Variants in ECM2 observed in about 807,000 individuals in gnomAD.
ECM2 encodes the protein extracellular matrix protein 2.
Under a neutral mutation model 67.5 loss-of-function variants are expected in ECM2, and 57 were observed. The observed-to-expected ratio is 0.84, with a 90% CI of 0.68 to 1.05. The LOEUF (loss-of-function observed/expected upper bound fraction) is 1.05, where lower values mean the gene tolerates loss of function less well. Ranked by LOEUF, ECM2 falls within the 50% of genes least tolerant of loss-of-function variation. ECM2 has a pLI of 0.00. For synonymous variants in ECM2, 258 were observed against 294.5 expected (o/e 0.88, Z 1.27); for missense variants, 741 against 822.8 (o/e 0.90, Z 1.22).
downstream of ECM2, chr9:92,494,076 A>G: frequency 6.3e-7 from 1 of 1,596,948 alleles, no homozygotes; most frequent in Non-Finnish European, 8.5e-7. Flanking sequence ...TTTCCTGCTT[A>G]TTGCCTCTAC....
At chr9:92,512,160 G>T in intron 4 of ECM2, 34 bp from the exon 5 acceptor site, 1 of 1,467,032 alleles carries the variant, frequency 6.8e-7, no homozygotes, top group South Asian at 1.2e-5. Flanking sequence ...TTAGGCATGT[G>T]TGCATATACA....
upstream of ECM2, among the ~76,000 whole-genome samples, chr9:92,537,524 G>A (rs567928420): frequency 6.6e-6 from 1 of 152,218 alleles, no homozygotes; most frequent in South Asian, 2.1e-4. Flanking sequence ...GCCGAGTATG[G>A]TAGCACATGC....
chr9:92,558,427 C>T, the ECM2 span, among the ~76,000 whole-genome samples: 1 of 152,144 alleles, frequency 6.6e-6, no homozygotes, highest in South Asian at 2.1e-4. Context: ...GCCTAGCCAC[C>T]CAGTGAGTCT....
chr9:92,508,022 C>T (rs576667487), intron 6 of ECM2, among the ~76,000 whole-genome samples: 1 of 152,312 alleles, frequency 6.6e-6, no homozygotes, highest in African/African-American at 2.4e-5. Flanking sequence ...CCTCCTTCCC[C>T]CTCTCTGGAG....
In ECM2 at chr9:92,496,332, G is replaced by T; in HGVS notation, c.2083C>A (p.Pro695Thr). 1 of 1,590,240 alleles carries T rather than the reference G, an allele frequency of 6.3e-7. No individual in the cohort carries two copies. The highest frequency in any genetic ancestry group is 8.5e-7 in the Non-Finnish European group (1 of 1,172,572). ...IRSYSSIVLK[P>T]QNIK ...ACTTGGAATTACTTGATGTTTTGTGGTTTAAGAACGATACTTGAGTATGAT... is the reference window on the plus strand; with the variant it reads ...ACTTGGAATTACTTGATGTTTTGTGTTTTAAGAACGATACTTGAGTATGAT... Residue 695 changes from proline (P) to threonine (T), a missense_variant, in exon 10 of 10, where the codon CCA becomes ACA. Transcript: ENST00000344604.
At chr9:92,496,571 T>G (rs755694165) in intron 9 of ECM2, 88 bp from the exon 10 acceptor site, 10 of 1,518,754 alleles carry the variant, frequency 6.6e-6, no homozygotes, top group Non-Finnish European at 7.9e-6. Context: ...AAAAAAATTT[T>G]GTTCTTAAAA....
the ECM2 span, among the ~76,000 whole-genome samples, chr9:92,548,081 C>G: frequency 2.6e-5 from 4 of 152,188 alleles, no homozygotes; most frequent in Non-Finnish European, 5.9e-5. Context: ...GTTTTCCAGA[C>G]ACACAATTAA....
chr9:92,546,769 A>G, the ECM2 span, among the ~76,000 whole-genome samples: 3 of 152,236 alleles, frequency 2.0e-5, no homozygotes, highest in Non-Finnish European at 4.4e-5. Flanking sequence ...GTAAATTGAT[A>G]TATTTAGATT....
the ECM2 span, among the ~76,000 whole-genome samples, chr9:92,552,630 A>G: frequency 6.6e-6 from 1 of 152,010 alleles, no homozygotes; most frequent in African/African-American, 2.4e-5. Context: ...TTTGTTGGCC[A>G]TTTGTGTATC....
At chr9:92,533,553 A>T (rs1442687173) in intron 1 of ECM2, among the ~76,000 whole-genome samples, 6 of 151,198 alleles carry the variant, frequency 4.0e-5, no homozygotes. Flanking sequence ...TCCCATCCCA[A>T]ATATTGGCCC....
At chr9:92,507,992 G>A (rs1202063651) in intron 6 of ECM2, among the ~76,000 whole-genome samples, 1 of 152,158 alleles carries the variant, frequency 6.6e-6, no homozygotes, top group Admixed American at 6.5e-5. Flanking sequence ...TCTTTGTGCT[G>A]TTTTCTCTCC....
At chr9:92,541,163 G>A (rs1849309731), upstream of ECM2, among the ~76,000 whole-genome samples, 2 of 152,086 alleles carry the variant, frequency 1.3e-5, no homozygotes, top group Non-Finnish European at 2.9e-5. Flanking sequence ...GAAGGCTGAG[G>A]CAGGACAATC....
intron 6 of ECM2, among the ~76,000 whole-genome samples, chr9:92,506,259 A>C (rs562486222): frequency 3.3e-5 from 5 of 152,352 alleles, no homozygotes; most frequent in African/African-American, 1.2e-4. Flanking sequence ...CAGAACAGTG[A>C]ATTCCCATCA....
intron 9 of ECM2, among the ~76,000 whole-genome samples, chr9:92,496,690 C>T (rs933435023): frequency 2.6e-5 from 4 of 152,196 alleles, no homozygotes; most frequent in Admixed American, 2.6e-4. Context: ...CACCCTCTGA[C>T]TCGGGAGATT....
intron 2 of ECM2, among the ~76,000 whole-genome samples, chr9:92,518,584 T>C (rs941184202): frequency 2.6e-5 from 4 of 152,212 alleles, no homozygotes; most frequent in African/African-American, 9.6e-5. Context: ...TCACATACTA[T>C]AATATTCACC....
rs71362395 is a variant in ECM2 at position 92,525,893 on chromosome 9, CAAAAAAAAAAA to C, written c.-27-3011_-27-3001del. Among the ~76,000 whole-genome samples, 12 of 43,908 alleles carry C rather than the reference CAAAAAAAAAAA, an allele frequency of 2.7e-4. No individual in the cohort carries two copies. In the East Asian group the frequency reaches 8.0e-3, roughly 29 times the overall value. 28.8% of individuals were successfully genotyped at this position (43,908 alleles called of 152,430 possible). On this transcript the variant is annotated intron_variant, in intron 1 of 9. Transcript: ENST00000344604. Reference sequence around the variant, plus strand: ...CCAGAGTGCAGAGAGACTCTATCTCCAAAAAAAAAAAAAAAAAAAAAAGCACATACAATTAT... The same window carrying C: ...CCAGAGTGCAGAGAGACTCTATCTCCAAAAAAAAAAAGCACATACAATTAT...
At chr9:92,504,983 G>A (rs1332589191) in intron 7 of ECM2, among the ~76,000 whole-genome samples, 1 of 152,204 alleles carries the variant, frequency 6.6e-6, no homozygotes, top group Non-Finnish European at 1.5e-5. Context: ...CTGGGGTTTG[G>A]GGCCTGGAGT....
chr9:92,515,561 T>TG (rs1847650016), intron 3 of ECM2, among the ~76,000 whole-genome samples: 1 of 152,232 alleles, frequency 6.6e-6, no homozygotes, highest in African/African-American at 2.4e-5. Context: ...TATAATCAGT[T>TG]GTGATACCTT....
chr9:92,515,676 T>G (rs1847658444), intron 3 of ECM2, among the ~76,000 whole-genome samples: 1 of 152,234 alleles, frequency 6.6e-6, no homozygotes, highest in South Asian at 2.1e-4. Context: ...TTTACTTGCT[T>G]ATAGCAGTGA....
Sources: gnomAD v4.1 joint callset for allele counts (sites outside exome capture counted in the v4.1 genomes callset) on GRCh38, gnomAD v4.1.1 for gene constraint, MANE v1.5 for transcripts, NCBI Gene and HGNC (gene_info 2026-07-23, HGNC 2026-07-21) for gene names.